Variants in MAP3K7 observed in about 807,000 individuals in gnomAD.
The protein encoded by MAP3K7 is mitogen-activated protein kinase kinase kinase 7.
Under a neutral mutation model 84.8 loss-of-function variants are expected in MAP3K7, and 21 were observed. The observed-to-expected ratio is 0.25, with a 90% CI of 0.18 to 0.36. The LOEUF (loss-of-function observed/expected upper bound fraction) is 0.36, where lower values mean the gene tolerates loss of function less well. Ranked by LOEUF, MAP3K7 falls within the 10% of genes least tolerant of loss-of-function variation. The probability of loss-of-function intolerance (pLI) is 1.00; values close to 1 mark genes in which losing one functional copy is unlikely to be tolerated. For synonymous variants in MAP3K7, 241 were observed against 247.7 expected (o/e 0.97, Z 0.25); for missense variants, 503 against 747.7 (o/e 0.67, Z 3.82).
intron 15 of MAP3K7, 40 bp from the exon 16 acceptor site, chr6:90,518,602 A>G (rs755188764): frequency 1.5e-5 from 15 of 1,011,592 alleles, no homozygotes; most frequent in Non-Finnish European, 2.3e-5. Context: ...ATTAAATCAA[A>G]TTTCAATATC....
intron 6 of MAP3K7, among the ~76,000 whole-genome samples, chr6:90,556,090 T>C (rs1437145650): frequency 6.6e-6 from 1 of 152,356 alleles, no homozygotes; most frequent in Admixed American, 6.5e-5. Flanking sequence ...AAAAACGTTG[T>C]CTTGTTCAAC....
At chr6:90,581,019 T>C (rs1777252669) in intron 1 of MAP3K7, among the ~76,000 whole-genome samples, 1 of 152,180 alleles carries the variant, frequency 6.6e-6, no homozygotes, top group Non-Finnish European at 1.5e-5. Flanking sequence ...GAATATGAGA[T>C]GGTATATAGA....
At position 90,519,297 on chromosome 6, in the gene MAP3K7, G is replaced by A. The variant is rs1194974363; in HGVS notation, c.1485C>T (p.Ser495=). 2.5e-6 allele frequency: 4 copies of A among 1,583,570 alleles called. No homozygotes were observed. The highest frequency in any genetic ancestry group is 3.4e-6 in the Non-Finnish European group (4 of 1,167,002). Residue 495 remains serine, a synonymous_variant, in exon 15 of 17, where the codon TCC becomes TCT. Coordinates refer to ENST00000369329, the MANE Select transcript of MAP3K7 (RefSeq NM_145331.3). ...DSTDTNGSDN[S]IPMAYLTLDH... ...CCAGTGTAAGATAAGCCATTGGGAT[G>A]GAGTTATCTGATCCATTGGTATCTG...
intron 1 of MAP3K7, among the ~76,000 whole-genome samples, chr6:90,582,010 T>C (rs1777288154): frequency 6.6e-6 from 1 of 152,250 alleles, no homozygotes; most frequent in South Asian, 2.1e-4. Context: ...TAATTTTATG[T>C]GTCCAATACT....
intron 1 of MAP3K7, among the ~76,000 whole-genome samples, chr6:90,579,858 G>A (rs1014879712): frequency 8.5e-5 from 13 of 152,150 alleles, no homozygotes; most frequent in African/African-American, 3.1e-4. Context: ...TGTTTTACCA[G>A]TGGGAGACAG....
At chr6:90,523,920 T>A in intron 13 of MAP3K7, 137 bp from the exon 14 acceptor site, 1 of 567,756 alleles carries the variant, frequency 1.8e-6, no homozygotes, top group Non-Finnish European at 3.2e-6. Flanking sequence ...AAATCCTCTC[T>A]TATATATATG....
intron 13 of MAP3K7, among the ~76,000 whole-genome samples, chr6:90,526,771 T>C (rs1438882605): frequency 1.3e-5 from 2 of 151,904 alleles, no homozygotes; most frequent in African/African-American, 4.8e-5. Flanking sequence ...TTATAGAAAA[T>C]ACCAAGCACA....
At chr6:90,564,997 T>G (rs982539362) in intron 3 of MAP3K7, among the ~76,000 whole-genome samples, 3 of 152,164 alleles carry the variant, frequency 2.0e-5, no homozygotes, top group Non-Finnish European at 4.4e-5. Context: ...ATAAAGATGT[T>G]CTTTGAAACC....
chr6:90,547,161 T>A (rs1776027156), intron 11 of MAP3K7, 97 bp downstream of exon 11: 3 of 1,366,316 alleles, frequency 2.2e-6, no homozygotes, highest in African/African-American at 1.5e-5. Context: ...TAAAAAAAAA[T>A]ATAAGACACA....
At chr6:90,523,861 G>A (rs569506656) in intron 13 of MAP3K7, 78 bp from the exon 14 acceptor site, 3 of 825,672 alleles carry the variant, frequency 3.6e-6, no homozygotes, top group South Asian at 2.8e-5. Context: ...CCATTAAAAG[G>A]CAAGAAGAGA....
Position 90,514,914 on chromosome 6 carries a change from C to T in MAP3K7, c.*1587G>A, listed in dbSNP as rs894503318. The stretch of plus-strand genomic sequence containing the variant: ...ACAGAAGACATTTATTTCCAGGAAG[C>T]TTTCTAAAATAGCTTTTGAAGAAGC... On this transcript the variant is annotated 3_prime_UTR_variant, in exon 17 of 17. Transcript: ENST00000369329. 4.6e-5 allele frequency: 7 copies of T among 151,924 alleles called. No homozygotes were observed. The highest frequency in any genetic ancestry group is 1.7e-4 in the African/African-American group (7 of 41,392). The allele number at this position is 151,924 out of a possible 1,614,324, so 9.4% of individuals were successfully genotyped here. A position where few individuals can be genotyped will look rare whatever the true frequency, so the allele number is the denominator to read the frequency against.
At chr6:90,580,105 GAGA>G (rs1263004431) in intron 1 of MAP3K7, among the ~76,000 whole-genome samples, 3 of 152,318 alleles carry the variant, frequency 2.0e-5, no homozygotes, top group Non-Finnish European at 2.9e-5. Context: ...TAAAATCGTG[GAGA>G]AGATCAGATG....
At position 90,523,730 on chromosome 6, in the gene MAP3K7, T is replaced by G. The variant is rs780867247; in HGVS notation, c.1410A>C (p.Pro470=). The part of the protein sequence containing the change: ...PSVRMITTSG[P]TSEKPTRSHP... ...GACTTCGAGTTGGCTTTTCTGAGGTTGGTCCTGAGGTAGTAATCATTCTGA... is the reference window on the plus strand; with the variant it reads ...GACTTCGAGTTGGCTTTTCTGAGGTGGGTCCTGAGGTAGTAATCATTCTGA... The change falls in exon 14 of 17, where the codon CCA becomes CCC. Residue 470 remains proline (P), a synonymous_variant. Coordinates refer to ENST00000369329, the MANE Select transcript of MAP3K7 (RefSeq NM_145331.3). The G allele has an allele frequency of 2.5e-6, 4 of 1,613,564 alleles. No individual in the cohort carries two copies. Among genetic ancestry groups the G allele is most frequent in the Non-Finnish European group, 2.5e-6 (3 of 1,179,650 alleles).
At chr6:90,576,566 C>A (rs962090523) in intron 1 of MAP3K7, among the ~76,000 whole-genome samples, 2 of 152,072 alleles carry the variant, frequency 1.3e-5, no homozygotes, top group African/African-American at 4.8e-5. Context: ...AAGGGCTATG[C>A]GCTATTTTAG....
chr6:90,547,959 T>C, intron 10 of MAP3K7, 88 bp downstream of exon 10: 1 of 1,079,408 alleles, frequency 9.3e-7, no homozygotes, highest in South Asian at 2.2e-5. Flanking sequence ...ATTTATAAAA[T>C]AGAAGATGGT....
chr6:90,553,990 C>T (rs1409022114), intron 6 of MAP3K7, among the ~76,000 whole-genome samples: 1 of 152,126 alleles, frequency 6.6e-6, no homozygotes, highest in Non-Finnish European at 1.5e-5. Context: ...CAGGCTGGAG[C>T]TCAGTGTAGC....
At chr6:90,568,490 C>G in intron 3 of MAP3K7, 68 bp downstream of exon 3, 8 of 1,325,266 alleles carry the variant, frequency 6.0e-6, no homozygotes, top group Non-Finnish European at 8.3e-6. Flanking sequence ...AAAATAGCTA[C>G]ATAAACTACA....
intron 2 of MAP3K7, among the ~76,000 whole-genome samples, chr6:90,569,850 C>T (rs1776841233): frequency 1.3e-5 from 2 of 152,114 alleles, no homozygotes; most frequent in Admixed American, 1.3e-4. Context: ...CTTCTCCTCT[C>T]TTTTCTGCCC....
In MAP3K7 at chr6:90,541,717, C is replaced by T. The variant is rs186666074; in HGVS notation, c.1291+2835G>A. Among the ~76,000 whole-genome samples, 147 of 152,034 alleles carry T rather than the reference C, an allele frequency of 9.7e-4. 2 individuals are homozygous for T. In the East Asian group the frequency reaches 0.019, roughly 20 times the overall value. On this transcript the variant is annotated intron_variant, in intron 12 of 16. Transcript: ENST00000369329. ...TAAATAGTGCTGTTTTGCTAAGTTG[C>T]TTTTTCTTCCACATTTGACTGATGG...
Sources: allele counts gnomAD v4.1 joint callset (sites outside exome capture counted in the v4.1 genomes callset), GRCh38; gene constraint gnomAD v4.1.1; transcripts MANE v1.5; gene names NCBI Gene and HGNC (gene_info 2026-07-23, HGNC 2026-07-21).